GRM7: variants seen among roughly 807,000 people sequenced by gnomAD.
The protein encoded by GRM7 is glutamate metabotropic receptor 7, also known as metabotropic glutamate receptor 7.
GRM7 carries 35 observed loss-of-function variants against 84.5 expected under a neutral mutation model. The ratio of observed to expected loss-of-function variants is 0.41; its 90% CI spans 0.32 to 0.55. The LOEUF (loss-of-function observed/expected upper bound fraction) is 0.55. GRM7 is among the 20% of genes least tolerant of loss of function. The pLI is 0.19. For synonymous variants in GRM7, 487 were observed against 455.1 expected (o/e 1.07, Z -0.89); for missense variants, 1,003 against 1,194.6 (o/e 0.84, Z 2.36).
At chr3:7,362,091 G>A (rs550608599) in intron 4 of GRM7, among the ~76,000 whole-genome samples, 2 of 152,144 alleles carry the variant, frequency 1.3e-5, no homozygotes, top group South Asian at 4.2e-4. Flanking sequence ...TAGTGACCTG[G>A]GAAATGAAAA....
intron 2 of GRM7, among the ~76,000 whole-genome samples, chr3:7,160,108 T>G (rs1694577929): frequency 6.6e-6 from 1 of 151,986 alleles, no homozygotes; most frequent in African/African-American, 2.4e-5. Context: ...GTTGAGTAGG[T>G]GAAGTGAGGG....
intron 6 of GRM7, among the ~76,000 whole-genome samples, chr3:7,454,022 G>A (rs1270800307): frequency 6.6e-6 from 1 of 151,008 alleles, no homozygotes; most frequent in South Asian, 2.1e-4. Context: ...GGCCTAAAGT[G>A]CCCCAACATT....
chr3:7,110,606 C>T (rs1253751617), intron 1 of GRM7, among the ~76,000 whole-genome samples: 1 of 145,198 alleles, frequency 6.9e-6, no homozygotes, highest in African/African-American at 2.5e-5. Context: ...CACACACACA[C>T]ACACACGCAC....
At chr3:7,470,158 A>G (rs566219315) in intron 7 of GRM7, among the ~76,000 whole-genome samples, 3 of 152,218 alleles carry the variant, frequency 2.0e-5, no homozygotes, top group Admixed American at 2.0e-4. Context: ...ATTTTATTTC[A>G]TTCACCTAAT....
chr3:7,649,593 G>A (rs1698832717), intron 8 of GRM7, among the ~76,000 whole-genome samples: 1 of 152,118 alleles, frequency 6.6e-6, no homozygotes, highest in Admixed American at 6.5e-5. Context: ...ATATGACAGT[G>A]TCACACATAC....
intron 2 of GRM7, among the ~76,000 whole-genome samples, chr3:7,229,350 G>C (rs1158709881): frequency 6.6e-6 from 1 of 151,890 alleles, no homozygotes; most frequent in Non-Finnish European, 1.5e-5. Context: ...TTCTCATAAT[G>C]ACCCTATGAG....
intron 1 of GRM7, among the ~76,000 whole-genome samples, chr3:6,965,022 A>T (rs563473586): frequency 1.3e-5 from 2 of 152,308 alleles, no homozygotes; most frequent in South Asian, 2.1e-4. Context: ...CATGCTTCTG[A>T]CCAATTAACC....
intron 7 of GRM7, among the ~76,000 whole-genome samples, chr3:7,537,162 A>G (rs1692176520): frequency 6.6e-6 from 1 of 152,180 alleles, no homozygotes; most frequent in Non-Finnish European, 1.5e-5. Context: ...AAACTTGAGC[A>G]TGATTATACA....
At chr3:6,887,224 T>C (rs189336690) in intron 1 of GRM7, among the ~76,000 whole-genome samples, 126 of 152,104 alleles carry the variant, frequency 8.3e-4, no homozygotes, top group Non-Finnish European at 1.6e-3. Context: ...TTAAAGTCTT[T>C]TTATTTTATT....
rs1699186313 is a variant in GRM7 at position 7,482,909 on chromosome 3, C to T, written c.1515+21187C>T. Among the ~76,000 whole-genome samples the T allele has an allele frequency of 1.3e-5, 2 of 152,166 alleles. 1 individual carries two copies. Among genetic ancestry groups the T allele is most frequent in the South Asian group, 4.1e-4 (2 of 4,824 alleles). On this transcript the variant is annotated intron_variant, in intron 7 of 9. Transcript: ENST00000357716. ...AATAAGTGACATTAAATAAATTCCA[C>T]ATTCCTTGGGGAGAGAAAAGAAAGA...
rs1693167485 is a variant in GRM7 at position 6,958,647 on chromosome 3, G to A, written c.519+96740G>A. ...ACCTTACATAACCGATGTCTGACAT[G>A]TATCTGAGAGTTGAAGCTGAGTTAA... On this transcript the variant is annotated intron_variant, in intron 1 of 9. Transcript: ENST00000357716. 2.0e-5 allele frequency among the ~76,000 whole-genome samples: 3 copies of A among 152,114 alleles called. No homozygotes were observed. The South Asian group carries it at 6.2e-4, about 32-fold the overall frequency.
intron 8 of GRM7, among the ~76,000 whole-genome samples, chr3:7,678,978 G>T (rs570180539): frequency 6.6e-6 from 1 of 152,272 alleles, no homozygotes; most frequent in Admixed American, 6.5e-5. Flanking sequence ...CAGAAAGACA[G>T]ATCCTGCCTT....
intron 1 of GRM7, among the ~76,000 whole-genome samples, chr3:6,892,310 G>C (rs961355138): frequency 1.3e-5 from 2 of 152,094 alleles, no homozygotes; most frequent in African/African-American, 2.4e-5. Context: ...GCCTGGGTCA[G>C]CATCCCGTAT....
intron 4 of GRM7, among the ~76,000 whole-genome samples, chr3:7,316,849 A>G (rs1007032237): frequency 6.6e-6 from 1 of 152,186 alleles, no homozygotes; most frequent in Non-Finnish European, 1.5e-5. Flanking sequence ...TTGTGCAGCC[A>G]TTGAAATATA....
rs115678506 is a variant in GRM7, at chr3:7,105,725, G to C, written c.520-40727G>C. 1.6e-3 allele frequency among the ~76,000 whole-genome samples: 250 copies of C among 151,736 alleles called. 1 individual carries two copies. The highest frequency in any genetic ancestry group is 5.6e-3 in the African/African-American group (231 of 41,460). On this transcript the variant is annotated intron_variant, in intron 1 of 9. Transcript: ENST00000357716. ...TTCTTTCAGGTATTTTGTGGGATGG[G>C]TGGAATTATTAATATATAGTTATGT...
chr3:7,725,264 G>A (rs1485727591), intron 9 of GRM7, among the ~76,000 whole-genome samples: 1 of 152,140 alleles, frequency 6.6e-6, no homozygotes, highest in Non-Finnish European at 1.5e-5. Flanking sequence ...TGAAGAAAGA[G>A]AAACAGCCAT....
intron 7 of GRM7, among the ~76,000 whole-genome samples, chr3:7,573,071 G>A (rs1048026564): frequency 2.0e-5 from 3 of 150,886 alleles, no homozygotes; most frequent in Non-Finnish European, 2.9e-5. Flanking sequence ...AAAATGTCTT[G>A]AGGTGTTGCA....
At chr3:7,284,274 G>A (rs1699350236) in intron 2 of GRM7, among the ~76,000 whole-genome samples, 1 of 131,018 alleles carries the variant, frequency 7.6e-6, no homozygotes, top group African/African-American at 2.9e-5. Context: ...TGTGGGGTGT[G>A]CATGCTCACT....
At chr3:7,365,162 A>G (rs1227384716) in intron 4 of GRM7, among the ~76,000 whole-genome samples, 1 of 151,780 alleles carries the variant, frequency 6.6e-6, no homozygotes, top group African/African-American at 2.4e-5. Context: ...TTTTTTAAAG[A>G]TTTATTTTAG....
Sources: gnomAD v4.1 joint callset for allele counts (sites outside exome capture counted in the v4.1 genomes callset) on GRCh38, gnomAD v4.1.1 for gene constraint, MANE v1.5 for transcripts, NCBI Gene and HGNC (gene_info 2026-07-23, HGNC 2026-07-21) for gene names.